CDK14: variants seen among roughly 807,000 people sequenced by gnomAD.
CDK14 encodes cyclin-dependent kinase 14.
A neutral mutation model predicts 60.7 loss-of-function variants in CDK14; 34 were observed. The observed-to-expected ratio is 0.56, with a 90% CI of 0.43 to 0.75. The LOEUF is 0.75. Ranked by LOEUF, CDK14 falls within the 30% of genes least tolerant of loss-of-function variation. The pLI, the probability that CDK14 is intolerant of heterozygous loss-of-function variation, is 0.00. For synonymous variants in CDK14, 197 were observed against 203.7 expected, an observed-to-expected ratio of 0.97 and a Z score of 0.28; for missense variants, 482 against 564.1, an observed-to-expected ratio of 0.85 and a Z score of 1.47.
chr7:90,959,725 C>T (rs148811716), intron 9 of CDK14, among the ~76,000 whole-genome samples: 29 of 152,286 alleles, frequency 1.9e-4, no homozygotes, highest in African/African-American at 7.0e-4. Context: ...CATTTGTCAG[C>T]AAGTGATGGA....
intron 11 of CDK14, among the ~76,000 whole-genome samples, chr7:91,058,555 G>T (rs149562865): frequency 2.6e-5 from 4 of 151,816 alleles, no homozygotes; most frequent in Non-Finnish European, 1.5e-5. Flanking sequence ...GTCATAGATA[G>T]CTTATTATTT....
chr7:90,669,354 C>A (rs1801053393), intron 2 of CDK14, among the ~76,000 whole-genome samples: 1 of 152,118 alleles, frequency 6.6e-6, no homozygotes, highest in African/African-American at 2.4e-5. Context: ...AACTCCCTAC[C>A]CACAGTTTAG....
At chr7:91,192,936 G>T (rs576016240) in intron 14 of CDK14, among the ~76,000 whole-genome samples, 3 of 152,208 alleles carry the variant, frequency 2.0e-5, no homozygotes, top group Admixed American at 6.5e-5. Context: ...CCTGATCCGG[G>T]TTTCTCCTCT....
At chr7:90,995,344 G>T (rs1024708452) in intron 10 of CDK14, among the ~76,000 whole-genome samples, 35 of 152,242 alleles carry the variant, frequency 2.3e-4, no homozygotes, top group Admixed American at 2.0e-3. Flanking sequence ...CTTAGAAGTG[G>T]ATGCCTCCCC....
At chr7:90,953,380 G>T (rs543091216) in intron 8 of CDK14, among the ~76,000 whole-genome samples, 52 of 152,112 alleles carry the variant, frequency 3.4e-4, no homozygotes, top group Non-Finnish European at 6.3e-4. Context: ...GAAGTTATGT[G>T]GCTCATCTGA....
chr7:90,749,207 TC>T (rs1235390230), intron 4 of CDK14, among the ~76,000 whole-genome samples: 1 of 152,120 alleles, frequency 6.6e-6, no homozygotes. Context: ...CGGGCAGATC[TC>T]CAGGCCTTTG....
intron 2 of CDK14, among the ~76,000 whole-genome samples, chr7:90,669,523 A>G (rs117503065): frequency 6.6e-6 from 1 of 152,242 alleles, no homozygotes; most frequent in Admixed American, 6.5e-5. Flanking sequence ...AAACTGCTGT[A>G]GCCTGGAATA....
At chr7:90,635,163 T>C in intron 2 of CDK14, among the ~76,000 whole-genome samples, 1 of 152,226 alleles carries the variant, frequency 6.6e-6, no homozygotes, top group East Asian at 1.9e-4. Context: ...CAATTTTGGC[T>C]TTTGTTGCCA....
At position 91,174,119 on chromosome 7, in the gene CDK14, C is replaced by G. The variant is rs1304973709; in HGVS notation, c.*29-33046C>G. On this transcript the variant is annotated intron_variant, in intron 14 of 14. Coordinates refer to ENST00000380050, the MANE Select transcript of CDK14 (RefSeq NM_001287135.2). The stretch of plus-strand genomic sequence containing the variant: ...ATGCAGCTGGAGATCTGAGAACGGG[C>G]AGACTGCCTCCTCAAGTGGGTCCCT... Among the ~76,000 whole-genome samples the G allele has an allele frequency of 3.9e-5, 6 of 151,902 alleles. No homozygotes were observed. In the East Asian group the frequency reaches 1.2e-3, roughly 29 times the overall value.
chr7:91,036,194 T>G (rs1584253726), intron 10 of CDK14, among the ~76,000 whole-genome samples: 4 of 152,290 alleles, frequency 2.6e-5, no homozygotes, highest in Admixed American at 2.6e-4. Flanking sequence ...GGCAGCAGTC[T>G]GACATGAGGG....
chr7:90,921,839 T>C (rs1404926170), intron 8 of CDK14, among the ~76,000 whole-genome samples: 1 of 152,220 alleles, frequency 6.6e-6, no homozygotes, highest in Non-Finnish European at 1.5e-5. Flanking sequence ...CTTCCTAATG[T>C]TGATAGTTTC....
At chr7:90,786,102 T>C (rs1422273383) in intron 4 of CDK14, among the ~76,000 whole-genome samples, 1 of 152,098 alleles carries the variant, frequency 6.6e-6, no homozygotes, top group Non-Finnish European at 1.5e-5. Context: ...GAGTCATGGC[T>C]CCTTTGGGCT....
intron 5 of CDK14, among the ~76,000 whole-genome samples, chr7:90,791,397 T>A (rs1465826018): frequency 1.3e-5 from 2 of 152,154 alleles, no homozygotes; most frequent in African/African-American, 4.8e-5. Flanking sequence ...AAGTGCAGAT[T>A]ATCTTGACAT....
chr7:90,865,563 A>G (rs1003220531), intron 6 of CDK14, among the ~76,000 whole-genome samples: 5 of 152,150 alleles, frequency 3.3e-5, no homozygotes, highest in Non-Finnish European at 7.4e-5. Flanking sequence ...AATAATTATT[A>G]AACATTAAGT....
intron 8 of CDK14, among the ~76,000 whole-genome samples, chr7:90,923,785 C>CA (rs1387945319): frequency 6.6e-6 from 1 of 152,126 alleles, no homozygotes; most frequent in African/African-American, 2.4e-5. Flanking sequence ...TTTTCCTGTA[C>CA]AATTTGAGGG....
intron 10 of CDK14, among the ~76,000 whole-genome samples, chr7:91,008,443 T>C (rs985662293): frequency 1.3e-5 from 2 of 152,072 alleles, no homozygotes; most frequent in African/African-American, 4.8e-5. Context: ...TTTGAAGTCA[T>C]TGTTTGAGGT....
chr7:91,066,094 G>A (rs1797969252), intron 11 of CDK14, among the ~76,000 whole-genome samples: 1 of 152,134 alleles, frequency 6.6e-6, no homozygotes, highest in Admixed American at 6.6e-5. Flanking sequence ...AGCTCAGTAG[G>A]AGTGAATGCA....
At chr7:91,131,231 G>T (rs189261610) in intron 14 of CDK14, among the ~76,000 whole-genome samples, 20 of 152,108 alleles carry the variant, frequency 1.3e-4, no homozygotes, top group Non-Finnish European at 2.4e-4. Flanking sequence ...TGACCTGGAT[G>T]CTTTTGAAGA....
intron 5 of CDK14, among the ~76,000 whole-genome samples, chr7:90,822,839 G>C (rs1193483672): frequency 6.6e-6 from 1 of 152,214 alleles, no homozygotes; most frequent in Non-Finnish European, 1.5e-5. Context: ...AAGGGATTAT[G>C]AAAAGGCTTC....
Sources: allele counts gnomAD v4.1 joint callset (sites outside exome capture counted in the v4.1 genomes callset), GRCh38; gene constraint gnomAD v4.1.1; transcripts MANE v1.5; gene names NCBI Gene and HGNC (gene_info 2026-07-23, HGNC 2026-07-21).